Variants in RFX3 observed in about 807,000 individuals in gnomAD.
RFX3 encodes the protein transcription factor RFX3.
In RFX3, 14 loss-of-function variants were observed where a neutral mutation model predicts 98.6. The ratio of observed to expected loss-of-function variants is 0.14; its 90% CI spans 0.09 to 0.22. The LOEUF (loss-of-function observed/expected upper bound fraction) is 0.22. Among genes scored for constraint, RFX3 ranks in the 10% least tolerant of loss-of-function variants. The probability of loss-of-function intolerance (pLI) is 1.00; values close to 1 mark genes in which losing one functional copy is unlikely to be tolerated. For missense variants in RFX3, 639 were observed against 926.9 expected, an observed-to-expected ratio of 0.69 and a Z score of 4.03; for synonymous variants, 383 against 328.4, an observed-to-expected ratio of 1.17 and a Z score of -1.80.
At chr9:3,489,415 G>C in intron 1 of RFX3, 1 of 985,350 alleles carries the variant, frequency 1.0e-6, no homozygotes, top group Non-Finnish European at 1.2e-6. Context: ...ACTGTTTGTA[G>C]TGGAAGCAGA....
chr9:3,346,910 T>G (rs1198690539), intron 2 of RFX3, 146 bp from the exon 3 acceptor site: 3 of 630,274 alleles, frequency 4.8e-6, no homozygotes, highest in Non-Finnish European at 8.6e-6. Context: ...ATGTCATAGT[T>G]TCAAGATAAG....
At chr9:3,356,200 A>AAG (rs1563978412) in intron 2 of RFX3, among the ~76,000 whole-genome samples, 4 of 116,512 alleles carry the variant, frequency 3.4e-5, no homozygotes, top group South Asian at 4.9e-4. Context: ...AAGGAAGGAA[A>AAG]GAAGGAAAGA....
At chr9:3,306,673 C>T (rs1319554100) in intron 4 of RFX3, among the ~76,000 whole-genome samples, 1 of 151,096 alleles carries the variant, frequency 6.6e-6, no homozygotes, top group Admixed American at 6.6e-5. Context: ...ATGGGTGCAG[C>T]ACACCAACAT....
intron 3 of RFX3, among the ~76,000 whole-genome samples, chr9:3,340,267 G>A (rs1214485698): frequency 6.6e-6 from 1 of 152,142 alleles, no homozygotes; most frequent in African/African-American, 2.4e-5. Context: ...ATGGATTAAA[G>A]ACTTAAATGT....
rs773562999 is a variant in RFX3 at position 3,346,742 on chromosome 9, T to C, written c.140A>G (p.Gln47Arg). 3.7e-6 allele frequency: 6 copies of C among 1,613,346 alleles called. No individual in the cohort carries two copies. The South Asian group carries it at 6.6e-5, about 18-fold the overall frequency. Residue 47 changes from glutamine to arginine, a missense_variant, in exon 3 of 17, where the codon CAG becomes CGG. Coordinates refer to ENST00000617270, the MANE Select transcript of RFX3 (RefSeq NM_001282116.2). ...AGCGGGATAGACATGTTGTACCTGC[T>C]GCACAGTCTGTACCTGCTGTACCTG... ...QQQVQQVQTVQQVQHVYPAQV... is the reference protein window; with the variant it reads ...QQQVQQVQTVRQVQHVYPAQV...
chr9:3,497,594 G>A (rs988134413), intron 1 of RFX3, among the ~76,000 whole-genome samples: 3 of 151,798 alleles, frequency 2.0e-5, no homozygotes, highest in African/African-American at 7.3e-5. Context: ...GATATCAGAT[G>A]GGTGTATAAA....
intron 1 of RFX3, among the ~76,000 whole-genome samples, chr9:3,460,666 A>G (rs950870307): frequency 2.0e-5 from 3 of 151,796 alleles, no homozygotes; most frequent in African/African-American, 7.3e-5. Context: ...GATTTCATAG[A>G]CTCTCAGAGC....
chr9:3,494,878 G>A (rs1850992191), intron 1 of RFX3, among the ~76,000 whole-genome samples: 1 of 151,892 alleles, frequency 6.6e-6, no homozygotes, highest in Non-Finnish European at 1.5e-5. Context: ...GCCTCCAGGG[G>A]TCTTCCATTC....
chr9:3,511,751 A>T (rs932813063), intron 1 of RFX3, among the ~76,000 whole-genome samples: 1 of 152,052 alleles, frequency 6.6e-6, no homozygotes, highest in African/African-American at 2.4e-5. Flanking sequence ...GGTTTCTTCA[A>T]ATATGGGCTA....
intron 14 of RFX3, among the ~76,000 whole-genome samples, chr9:3,250,914 T>A (rs1821312999): frequency 6.6e-6 from 1 of 152,166 alleles, no homozygotes; most frequent in Admixed American, 6.5e-5. Flanking sequence ...AATACTTTAT[T>A]AGCATTGAGA....
chr9:3,289,637 T>C (rs1317333046), intron 6 of RFX3, among the ~76,000 whole-genome samples: 1 of 152,100 alleles, frequency 6.6e-6, no homozygotes, highest in Non-Finnish European at 1.5e-5. Flanking sequence ...GTGCTGAGTT[T>C]CTTTTTGGTT....
At position 3,354,599 on chromosome 9, in the gene RFX3, A is replaced by G. The variant is rs531123796; in HGVS notation, c.118-7835T>C. On this transcript the variant is annotated intron_variant, in intron 2 of 16. Transcript: ENST00000617270. Reference sequence around the variant, plus strand: ...TAGTGACAGAAAAATATTTCAAACTAAATTTCCATAACCAGTGAAATAGCC... The same window carrying G: ...TAGTGACAGAAAAATATTTCAAACTGAATTTCCATAACCAGTGAAATAGCC... 4.6e-5 allele frequency among the ~76,000 whole-genome samples: 7 copies of G among 152,052 alleles called. No homozygotes were observed. The South Asian group carries it at 1.5e-3, about 32-fold the overall frequency.
At chr9:3,347,091 T>C (rs972830527) in intron 2 of RFX3, among the ~76,000 whole-genome samples, 2 of 152,106 alleles carry the variant, frequency 1.3e-5, no homozygotes, top group African/African-American at 2.4e-5. Flanking sequence ...GAGGCCAAAG[T>C]GGGCAGATTG....
intron 2 of RFX3, among the ~76,000 whole-genome samples, chr9:3,356,787 G>C (rs1214022730): frequency 6.6e-6 from 1 of 151,436 alleles, no homozygotes; most frequent in Non-Finnish European, 1.5e-5. Context: ...TCATAATCAG[G>C]TAGGATTTAA....
intron 1 of RFX3, among the ~76,000 whole-genome samples, chr9:3,516,926 A>G (rs1249351599): frequency 6.6e-6 from 1 of 152,168 alleles, no homozygotes; most frequent in South Asian, 2.1e-4. Context: ...TGGGTGAGAA[A>G]ATGAGGGCAC....
chr9:3,329,407 C>CAAAAA (rs1202028884), intron 4 of RFX3, among the ~76,000 whole-genome samples: 15 of 38,112 alleles, frequency 3.9e-4, no homozygotes, highest in Middle Eastern at 0.019. Flanking sequence ...GACTTCATCT[C>CAAAAA]AAAAAAAAAA....
chr9:3,297,814 C>T (rs1222693751), intron 5 of RFX3, among the ~76,000 whole-genome samples: 2 of 151,860 alleles, frequency 1.3e-5, no homozygotes, highest in Admixed American at 6.6e-5. Context: ...TTTTCATAAA[C>T]TTTAAATGGA....
At chr9:3,307,534 A>G (rs900024041) in intron 4 of RFX3, among the ~76,000 whole-genome samples, 1 of 152,144 alleles carries the variant, frequency 6.6e-6, no homozygotes, top group Non-Finnish European at 1.5e-5. Context: ...GAATACAAAC[A>G]TATTTTCAAA....
At chr9:3,444,769 A>C (rs919463490) in intron 1 of RFX3, among the ~76,000 whole-genome samples, 4 of 152,214 alleles carry the variant, frequency 2.6e-5, no homozygotes, top group Non-Finnish European at 5.9e-5. Flanking sequence ...GTACCCACAG[A>C]GGAGAAATTA....
Sources: gnomAD v4.1 joint callset for allele counts (sites outside exome capture counted in the v4.1 genomes callset) on GRCh38, gnomAD v4.1.1 for gene constraint, MANE v1.5 for transcripts, NCBI Gene and HGNC (gene_info 2026-07-23, HGNC 2026-07-21) for gene names.